OLFM1: variants seen among roughly 807,000 people sequenced by gnomAD.
OLFM1 encodes noelin.
OLFM1 carries 9 observed loss-of-function variants against 49.7 expected under a neutral mutation model. That is an observed-to-expected ratio of 0.18 (90% CI 0.11 to 0.32). OLFM1 has a LOEUF of 0.32. OLFM1 is among the 10% of genes least tolerant of loss of function. OLFM1 has a pLI of 1.00. For missense variants in OLFM1, 369 were observed against 661.8 expected, an observed-to-expected ratio of 0.56 and a Z score of 4.85; for synonymous variants, 240 against 271.8, an observed-to-expected ratio of 0.88 and a Z score of 1.15.
At chr9:135,075,698 G>A (rs201711370) in exon 1 of OLFM1, 3 of 1,587,892 alleles carry the variant, frequency 1.9e-6, no homozygotes, top group South Asian at 2.2e-5. Flanking sequence ...CCAGCACCCA[G>A]GGCCCTGCAT....
intron 5 of OLFM1, among the ~76,000 whole-genome samples, chr9:135,119,278 T>TGGA (rs1564282803): frequency 4.3e-4 from 62 of 143,544 alleles, no homozygotes; most frequent in African/African-American, 6.6e-4. Flanking sequence ...AAGTGCTCAC[T>TGGA]TGGTCTTTGG....
chr9:135,118,397 TGGAG>T (rs1564282119), intron 5 of OLFM1, among the ~76,000 whole-genome samples: 4 of 117,112 alleles, frequency 3.4e-5, no homozygotes, highest in Admixed American at 8.4e-5. Flanking sequence ...GCTGGGTCTT[TGGAG>T]TGCTCGCTGT....
Position 135,119,739 on chromosome 9 carries a change from G to A in OLFM1, c.1019G>A (p.Gly340Asp). ...AAGACCCGCAGCCTGGACTATGCCG[G>A]TTACAACAACATGTACCACTACGCC... ...ILKTRSLDYA[G>D]YNNMYHYAWG... is the part of the protein sequence containing the mutation. The change falls in exon 6 of 6, where the codon GGT (glycine) becomes GAT (aspartate). Residue 340 changes from glycine to aspartate, a missense_variant. Transcript: ENST00000371793. 6.2e-7 allele frequency: 1 copy of A among 1,614,094 alleles called. No individual in the cohort carries two copies.
chr9:135,079,554 G>A (rs558429053), intron 1 of OLFM1, among the ~76,000 whole-genome samples: 157 of 152,160 alleles, frequency 1.0e-3, no homozygotes, highest in Non-Finnish European at 1.0e-4. Context: ...GCAGTGAGCC[G>A]AGACTGCACC....
chr9:135,100,450 A>C (rs1229839720), intron 4 of OLFM1, among the ~76,000 whole-genome samples: 1 of 152,230 alleles, frequency 6.6e-6, no homozygotes, highest in African/African-American at 2.4e-5. Flanking sequence ...ACAGGCCTCC[A>C]GAGGCCCTCT....
At chr9:135,102,413 C>A (rs932730736) in intron 4 of OLFM1, among the ~76,000 whole-genome samples, 1 of 152,188 alleles carries the variant, frequency 6.6e-6, no homozygotes, top group African/African-American at 2.4e-5. Context: ...GAAGGAAAAC[C>A]CACTAGAGTG....
At chr9:135,075,848 C>A (rs374738588) in intron 1 of OLFM1, 2 of 1,538,196 alleles carry the variant, frequency 1.3e-6, no homozygotes, top group Admixed American at 1.9e-5. Flanking sequence ...GCGCCCGGCC[C>A]GGCCCCTCGG....
chr9:135,119,367 TG>T (rs1831153808), intron 5 of OLFM1, 136 bp from the exon 6 acceptor site: 1 of 700,774 alleles, frequency 1.4e-6, no homozygotes, highest in East Asian at 2.6e-5. Context: ...TCTGGGTCTT[TG>T]GAGTGCTCAC....
chr9:135,102,063 G>T (rs1337771932), intron 4 of OLFM1, among the ~76,000 whole-genome samples: 1 of 152,202 alleles, frequency 6.6e-6, no homozygotes, highest in African/African-American at 2.4e-5. Flanking sequence ...AACAAAGCCC[G>T]CTGGCTCCAG....
upstream of OLFM1, among the ~76,000 whole-genome samples, chr9:135,083,373 T>G (rs966552430): frequency 6.6e-6 from 1 of 150,836 alleles, no homozygotes. Flanking sequence ...CCAGGGAGAG[T>G]GCGGAGGGTG....
chr9:135,087,933 C>T lies in OLFM1; in HGVS notation c.-57C>T. The T allele has an allele frequency of 7.5e-7, 1 of 1,332,710 alleles. No individual in the cohort carries two copies. Among genetic ancestry groups the T allele is most frequent in the Non-Finnish European group, 9.7e-7 (1 of 1,030,870 alleles). The allele number at this position is 1,332,710 out of a possible 1,614,324, so 82.6% of individuals were successfully genotyped here. A position where few individuals can be genotyped will look rare whatever the true frequency, so the allele number is the denominator to read the frequency against. On this transcript the variant is annotated 5_prime_UTR_variant, in exon 1 of 6. Coordinates refer to ENST00000371793, the MANE Select transcript of OLFM1 (RefSeq NM_001282611.2). ...GCGGTGCCCGCCGCCTGAAGGCCGCCTGGGCGCGGGAGCCGGTGCCAGCTC... is the reference window on the plus strand; with the variant it reads ...GCGGTGCCCGCCGCCTGAAGGCCGCTTGGGCGCGGGAGCCGGTGCCAGCTC...
chr9:135,115,345 T>G (rs551675452), intron 5 of OLFM1, among the ~76,000 whole-genome samples: 8 of 152,268 alleles, frequency 5.3e-5, no homozygotes, highest in Admixed American at 5.2e-4. Context: ...AGGCCCCACT[T>G]CCCCAGCACA....
At position 135,117,266 on chromosome 9, in the gene OLFM1, A is replaced by C. The variant is rs985642007; in HGVS notation, c.784-2238A>C. 6.6e-6 allele frequency among the ~76,000 whole-genome samples: 1 copy of C among 152,196 alleles called. No homozygotes were observed. Among genetic ancestry groups the C allele is most frequent in the Non-Finnish European group, 1.5e-5 (1 of 68,040 alleles). On this transcript the variant is annotated intron_variant, in intron 5 of 5. Transcript: ENST00000371793. This position sits in a 1 kb window ranked among gnomAD's most constrained non-coding sequence, Gnocchi z 5.5. ...AACTTGGGCCATTACTGGGTTTGCT[A>C]TCTTGGTTGCTTTCGACAACCAGAG...
At chr9:135,111,806 T>C (rs546914514) in intron 5 of OLFM1, among the ~76,000 whole-genome samples, 2 of 152,340 alleles carry the variant, frequency 1.3e-5, no homozygotes, top group South Asian at 2.1e-4. Flanking sequence ...GCCTCCCGAA[T>C]TGAAGCAATT....
At chr9:135,112,010 C>G (rs1203178961) in intron 5 of OLFM1, among the ~76,000 whole-genome samples, 1 of 152,208 alleles carries the variant, frequency 6.6e-6, no homozygotes, top group South Asian at 2.1e-4. Flanking sequence ...CCACCACGCC[C>G]AGCCAGGACA....
At chr9:135,106,248 T>A (rs1308686059) in intron 4 of OLFM1, 2 of 154,228 alleles carry the variant, frequency 1.3e-5, no homozygotes, top group Non-Finnish European at 2.9e-5. Flanking sequence ...GTGCTGCTGC[T>A]CCATCGTGGG....
chr9:135,092,619 A>T (rs928268420), intron 2 of OLFM1, among the ~76,000 whole-genome samples: 25 of 152,276 alleles, frequency 1.6e-4, no homozygotes, highest in African/African-American at 5.5e-4. Flanking sequence ...CAGGAGGGGA[A>T]AACAGAGCCC....
chr9:135,077,007 TCTC>T (rs1177621667), intron 1 of OLFM1: 31 of 1,550,536 alleles, frequency 2.0e-5, no homozygotes, highest in African/African-American at 1.8e-4. Flanking sequence ...TCAGAGCCCT[TCTC>T]CTGGTGCTGC....
intron 1 of OLFM1, among the ~76,000 whole-genome samples, chr9:135,079,743 C>A (rs778766721): frequency 6.6e-6 from 1 of 152,156 alleles, no homozygotes; most frequent in Non-Finnish European, 1.5e-5. Flanking sequence ...AAGATGGAAG[C>A]GGAGCTCTCC....
Sources: gnomAD v4.1 joint callset for allele counts (sites outside exome capture counted in the v4.1 genomes callset) on GRCh38, gnomAD v4.1.1 for gene constraint, Gnocchi (gnomAD v3.1) non-coding constraint, MANE v1.5 for transcripts, NCBI Gene and HGNC (gene_info 2026-07-23, HGNC 2026-07-21) for gene names.